Variants in AKT2 observed in about 807,000 individuals in gnomAD.
AKT2 encodes RAC-beta serine/threonine-protein kinase.
A neutral mutation model predicts 58.6 loss-of-function variants in AKT2; 16 were observed. The observed-to-expected ratio is 0.27, with a 90% CI of 0.18 to 0.41. The LOEUF (loss-of-function observed/expected upper bound fraction) is 0.41. AKT2 is among the 10% of genes least tolerant of loss of function. AKT2 has a pLI of 1.00. For missense variants in AKT2, 438 were observed against 661.0 expected, an observed-to-expected ratio of 0.66 and a Z score of 3.70; for synonymous variants, 253 against 254.0, an observed-to-expected ratio of 1.00 and a Z score of 0.04.
At chr19:40,262,224 T>C (rs549693924) in intron 2 of AKT2, among the ~76,000 whole-genome samples, 5 of 148,262 alleles carry the variant, frequency 3.4e-5, no homozygotes, top group East Asian at 2.0e-4. Context: ...CTGGGCAATA[T>C]AGCAAGACCA....
chr19:40,264,861 G>C (rs1324339785), intron 2 of AKT2, among the ~76,000 whole-genome samples: 1 of 152,168 alleles, frequency 6.6e-6, no homozygotes, highest in Admixed American at 6.5e-5. Context: ...CTGTGTCTCG[G>C]AGCCCGGGGC....
intron 1 of AKT2, among the ~76,000 whole-genome samples, chr19:40,276,143 G>C (rs995491075): frequency 6.6e-6 from 1 of 151,736 alleles, no homozygotes; most frequent in Non-Finnish European, 1.5e-5. Flanking sequence ...AGGCCCAAGA[G>C]GAGCCAGATC....
In AKT2 at chr19:40,233,038, A is replaced by C; in HGVS notation, c.*834T>G. 4.3e-6 allele frequency: 1 copy of C among 233,538 alleles called. No homozygotes were observed. Among genetic ancestry groups the C allele is most frequent in the Non-Finnish European group, 8.4e-6 (1 of 118,892 alleles). 14.5% of individuals were successfully genotyped at this position (233,538 alleles called of 1,614,324 possible). ...CTCCACCCCCGCAGAGGAGAGGGTG[A>C]GCCCAGCCCATAGCCCCCAGTGGGG... On this transcript the variant is annotated 3_prime_UTR_variant, in exon 14 of 14. Transcript: ENST00000392038. The surrounding 1 kb of genome is among the most constrained non-coding windows in gnomAD (Gnocchi z 4.3).
At chr19:40,274,627 T>C (rs575612254) in intron 1 of AKT2, 93 of 221,554 alleles carry the variant, frequency 4.2e-4, no homozygotes, top group South Asian at 2.2e-3. Flanking sequence ...CACAGGATGG[T>C]GACAGAAGGG....
intron 1 of AKT2, among the ~76,000 whole-genome samples, chr19:40,267,516 A>C (rs1405978733): frequency 6.6e-6 from 1 of 152,138 alleles, no homozygotes; most frequent in Non-Finnish European, 1.5e-5. Flanking sequence ...TCCTCCAGGA[A>C]GCCTTCCCCA....
At position 40,267,731 on chromosome 19, in the gene AKT2, T is replaced by C. The variant is rs555723722; in HGVS notation, c.-84-2380A>G. 7.9e-5 allele frequency among the ~76,000 whole-genome samples: 12 copies of C among 152,260 alleles called. No individual in the cohort carries two copies. The East Asian group carries it at 2.3e-3, about 29-fold the overall frequency. On this transcript the variant is annotated intron_variant, in intron 1 of 13. Transcript: ENST00000392038. ...ACTCTCTTCATGACACCAATCTTTT[T>C]TGGGGTGCATCCTAGACCCCGGATG...
chr19:40,242,242 A>T lies in AKT2; in HGVS notation c.442-173T>A. On this transcript the variant is annotated intron_variant, in intron 5 of 13. Coordinates refer to ENST00000392038, the MANE Select transcript of AKT2 (RefSeq NM_001626.6). This position sits in a 1 kb window ranked among gnomAD's most constrained non-coding sequence, Gnocchi z 4.3. ...TGTGTTCTGAAGCGGCCTTCAGACC[A>T]GGCTCTGCAGGCACAGGGCCTTGGG... 1.0e-6 allele frequency: 1 copy of T among 989,592 alleles called. No homozygotes were observed. Among genetic ancestry groups the T allele is most frequent in the South Asian group, 1.4e-5 (1 of 70,356 alleles). 61.3% of individuals were successfully genotyped at this position (989,592 alleles called of 1,614,324 possible).
rs1600051061 is a variant in AKT2, at chr19:40,255,106, C to T, written c.287+52G>A. ...TCTCTCCAGCTGTACCTTTTCTCCT[C>T]ACACCAGGCTTGCTCCCTCTCAAGG... On this transcript the variant is annotated intron_variant, in intron 4 of 13. Transcript: ENST00000392038. The T allele has an allele frequency of 2.1e-6, 3 of 1,409,650 alleles. No homozygotes were observed. In the East Asian group the frequency reaches 6.8e-5, roughly 32 times the overall value. 87.3% of individuals were successfully genotyped at this position (1,409,650 alleles called of 1,614,324 possible). A position where few individuals can be genotyped will look rare whatever the true frequency, so the allele number is the denominator to read the frequency against.
chr19:40,261,657 G>A (rs1049933543), intron 2 of AKT2, among the ~76,000 whole-genome samples: 2 of 151,952 alleles, frequency 1.3e-5, no homozygotes, highest in Non-Finnish European at 2.9e-5. Flanking sequence ...CCTCCAGAAC[G>A]GTAAGAAATA....
chr19:40,260,333 A>G (rs1975845335), intron 2 of AKT2, among the ~76,000 whole-genome samples: 1 of 151,708 alleles, frequency 6.6e-6, no homozygotes, highest in South Asian at 2.1e-4. Flanking sequence ...AGTTAAATAT[A>G]GAATATATCA....
intron 1 of AKT2, among the ~76,000 whole-genome samples, chr19:40,280,331 G>A (rs767513717): frequency 4.6e-5 from 7 of 152,296 alleles, no homozygotes; most frequent in Non-Finnish European, 8.8e-5. Flanking sequence ...TAACAGCCAC[G>A]GGCTCTGGAG....
chr19:40,284,933 C>T lies in AKT2; in HGVS notation c.-85+248G>A, dbSNP rs930512130. ...GCCCGCGCACGCTGCGGCCTGCGCT[C>T]CCCGTCCCGCAAACTTGCAGCGCTC... On this transcript the variant is annotated intron_variant, in intron 1 of 13. Coordinates refer to ENST00000392038, the MANE Select transcript of AKT2 (RefSeq NM_001626.6). 3 of 327,306 alleles carry T rather than the reference C, an allele frequency of 9.2e-6. No individual in the cohort carries two copies. The Admixed American group carries it at 1.5e-4, about 16-fold the overall frequency. 20.3% of individuals were successfully genotyped at this position (327,306 alleles called of 1,614,324 possible). A position where few individuals can be genotyped will look rare whatever the true frequency, so the allele number is the denominator to read the frequency against.
Position 40,235,946 on chromosome 19 carries a change from G to A in AKT2, c.1119C>T (p.Leu373=). Residue 373 remains leucine (L), a synonymous_variant, in exon 11 of 14, where the codon CTC becomes CTT. Transcript: ENST00000392038. This position sits in a 1 kb window ranked among gnomAD's most constrained non-coding sequence, Gnocchi z 6.3. ...LMEEIRFPRT[L]SPEAKSLLAG... ...CAAGCAGGGACTTGGCCTCGGGGCT[G>A]AGCGTGCGCGGGAAGCGGATCTCTT... 13 of 1,613,900 alleles carry A rather than the reference G, an allele frequency of 8.1e-6. No individual in the cohort carries two copies. The highest frequency in any genetic ancestry group is 1.3e-5 in the African/African-American group (1 of 75,062).
At chr19:40,272,317 C>G (rs2077230404) in intron 1 of AKT2, among the ~76,000 whole-genome samples, 1 of 152,232 alleles carries the variant, frequency 6.6e-6, no homozygotes, top group Non-Finnish European at 1.5e-5. Context: ...CCTGTCCTTG[C>G]AAGGACAGAC....
At chr19:40,271,988 A>G (rs2077224017) in intron 1 of AKT2, among the ~76,000 whole-genome samples, 1 of 152,254 alleles carries the variant, frequency 6.6e-6, no homozygotes, top group Non-Finnish European at 1.5e-5. Context: ...GTCTGGTGCT[A>G]TATATTGGTT....
At chr19:40,272,293 A>C (rs1015052490) in intron 1 of AKT2, among the ~76,000 whole-genome samples, 7 of 152,176 alleles carry the variant, frequency 4.6e-5, no homozygotes, top group African/African-American at 1.7e-4. Flanking sequence ...TAGACTCCCA[A>C]GCCTCCGTTT....
chr19:40,254,602 C>T (rs977150016), intron 4 of AKT2, among the ~76,000 whole-genome samples: 6 of 151,238 alleles, frequency 4.0e-5, no homozygotes, highest in African/African-American at 9.7e-5. Flanking sequence ...CCGAGGCAGG[C>T]GGATCACCTG....
intron 2 of AKT2, among the ~76,000 whole-genome samples, chr19:40,257,910 G>T (rs144044939): frequency 3.2e-4 from 48 of 152,308 alleles, no homozygotes; most frequent in African/African-American, 1.1e-3. Flanking sequence ...GTATCATTAT[G>T]ACTCCATTTA....
At chr19:40,267,916 G>A (rs1976476456) in intron 1 of AKT2, among the ~76,000 whole-genome samples, 1 of 150,586 alleles carries the variant, frequency 6.6e-6, no homozygotes, top group Non-Finnish European at 1.5e-5. Flanking sequence ...GGACTTGCGA[G>A]CAGACACCCG....
Sources: gnomAD v4.1 joint callset for allele counts (sites outside exome capture counted in the v4.1 genomes callset) on GRCh38, gnomAD v4.1.1 for gene constraint, Gnocchi (gnomAD v3.1) non-coding constraint, MANE v1.5 for transcripts, NCBI Gene and HGNC (gene_info 2026-07-23, HGNC 2026-07-21) for gene names.